The following RALA variants were observed in gnomAD, a reference collection of about 807,000 sequenced individuals.
RALA encodes ras-related protein Ral-A.
A neutral mutation model predicts 24.0 loss-of-function variants in RALA; 5 were observed. The ratio of observed to expected loss-of-function variants is 0.21; its 90% CI spans 0.11 to 0.44. RALA has a LOEUF of 0.44. RALA is among the 20% of genes least tolerant of loss of function. RALA has a pLI of 0.99. For missense variants in RALA, 95 were observed against 241.2 expected (o/e 0.39, Z 4.01); for synonymous variants, 77 against 83.8 (o/e 0.92, Z 0.44).
chr7:39,637,550 T>G (rs1791705220), intron 1 of RALA, among the ~76,000 whole-genome samples: 1 of 152,230 alleles, frequency 6.6e-6, no homozygotes, highest in Non-Finnish European at 1.5e-5. Flanking sequence ...ATTTTATACT[T>G]TTAGTTTCAT....
chr7:39,674,914 C>T (rs1039236483), intron 1 of RALA, among the ~76,000 whole-genome samples: 5 of 149,698 alleles, frequency 3.3e-5, no homozygotes, highest in African/African-American at 1.2e-4. Flanking sequence ...ACCTCCACCT[C>T]CTGGGTTCAA....
intron 4 of RALA, among the ~76,000 whole-genome samples, chr7:39,705,858 C>T (rs954717378): frequency 2.0e-5 from 3 of 151,972 alleles, no homozygotes; most frequent in Admixed American, 6.5e-5. Context: ...ACTTTTGTCT[C>T]GAAAACTGGA....
chr7:39,635,241 C>T (rs576836604), intron 1 of RALA, among the ~76,000 whole-genome samples: 5 of 152,078 alleles, frequency 3.3e-5, no homozygotes, highest in Admixed American at 6.5e-5. Context: ...CATGGTGGCG[C>T]GTGCCTGTCT....
At chr7:39,682,151 G>A (rs190079748) in intron 1 of RALA, among the ~76,000 whole-genome samples, 19 of 152,258 alleles carry the variant, frequency 1.2e-4, no homozygotes, top group African/African-American at 2.2e-4. Context: ...AGTACATATC[G>A]CCTAGGATTG....
chr7:39,695,780 G>A (rs1409362900), intron 3 of RALA, among the ~76,000 whole-genome samples: 3 of 152,088 alleles, frequency 2.0e-5, no homozygotes, highest in East Asian at 1.9e-4. Context: ...CTTTACTTAC[G>A]TTCCTATAGC....
chr7:39,628,825 G>T (rs989295828), intron 1 of RALA, among the ~76,000 whole-genome samples: 1 of 152,182 alleles, frequency 6.6e-6, no homozygotes, highest in African/African-American at 2.4e-5. Flanking sequence ...AAAGTGCTGG[G>T]ATTACAGGCG....
chr7:39,645,711 A>G (rs1791914950), intron 1 of RALA, among the ~76,000 whole-genome samples: 1 of 152,218 alleles, frequency 6.6e-6, no homozygotes, highest in African/African-American at 2.4e-5. Flanking sequence ...CTGGCACTTA[A>G]TCTAGGCTTA....
chr7:39,637,665 T>C (rs888247446), intron 1 of RALA, among the ~76,000 whole-genome samples: 4 of 152,244 alleles, frequency 2.6e-5, no homozygotes, highest in African/African-American at 7.2e-5. Context: ...GATAACTGTA[T>C]TGGTGATTCC....
intron 1 of RALA, among the ~76,000 whole-genome samples, chr7:39,633,093 C>T (rs1271283654): frequency 6.6e-6 from 1 of 152,162 alleles, no homozygotes; most frequent in Non-Finnish European, 1.5e-5. Context: ...CTATGAAAAT[C>T]TAGGGATTCC....
chr7:39,638,887 A>T (rs1791730784), intron 1 of RALA, among the ~76,000 whole-genome samples: 1 of 152,136 alleles, frequency 6.6e-6, no homozygotes, highest in African/African-American at 2.4e-5. Context: ...TATACTTGGG[A>T]GAGTAATTAT....
intron 4 of RALA, among the ~76,000 whole-genome samples, chr7:39,705,329 A>G (rs1008815287): frequency 2.0e-5 from 3 of 152,212 alleles, no homozygotes; most frequent in African/African-American, 7.2e-5. Context: ...TTTTAATTCT[A>G]TAAGTAAAAA....
intron 1 of RALA, among the ~76,000 whole-genome samples, chr7:39,647,389 G>A (rs894537526): frequency 1.3e-5 from 2 of 152,150 alleles, no homozygotes; most frequent in African/African-American, 4.8e-5. Context: ...CGCTCATGAG[G>A]CTTACTCTGT....
At chr7:39,649,318 C>T (rs1791979494) in intron 1 of RALA, among the ~76,000 whole-genome samples, 1 of 152,118 alleles carries the variant, frequency 6.6e-6, no homozygotes, top group African/African-American at 2.4e-5. Context: ...TGGATGTCAT[C>T]CCCATATAGA....
intron 2 of RALA, 46 bp downstream of exon 2, chr7:39,686,827 G>T: frequency 7.2e-7 from 1 of 1,392,500 alleles, no homozygotes; most frequent in African/African-American, 1.4e-5. Flanking sequence ...CTTTCAGAGA[G>T]TATTTCCCTA....
chr7:39,690,207 A>G (rs1792790668), intron 2 of RALA, among the ~76,000 whole-genome samples, 175 bp from the exon 3 acceptor site: 1 of 152,232 alleles, frequency 6.6e-6, no homozygotes, highest in African/African-American at 2.4e-5. Flanking sequence ...TGAGGAAACC[A>G]AGAAATTGTC....
chr7:39,627,363 G>A (rs1315259373), intron 1 of RALA, among the ~76,000 whole-genome samples: 1 of 152,036 alleles, frequency 6.6e-6, no homozygotes, highest in Non-Finnish European at 1.5e-5. Flanking sequence ...AGCCAAAAAA[G>A]GCATGCTTCC....
intron 1 of RALA, among the ~76,000 whole-genome samples, chr7:39,651,405 G>A (rs1792016646): frequency 6.6e-6 from 1 of 152,210 alleles, no homozygotes; most frequent in South Asian, 2.1e-4. Flanking sequence ...GATGTGTGGG[G>A]ATTGTTGGAA....
At chr7:39,686,843 GT>G in intron 2 of RALA, 62 bp downstream of exon 2, 1 of 1,281,650 alleles carries the variant, frequency 7.8e-7, no homozygotes, top group Admixed American at 1.8e-5. Context: ...CCCTAGCTTA[GT>G]TTTGGTGCTA....
At chr7:39,681,767 C>T (rs752652070) in intron 1 of RALA, among the ~76,000 whole-genome samples, 1 of 152,100 alleles carries the variant, frequency 6.6e-6, no homozygotes. Flanking sequence ...AACTGACGTG[C>T]AATTTTTTTT....
Sources: allele counts gnomAD v4.1 joint callset (sites outside exome capture counted in the v4.1 genomes callset), GRCh38; gene constraint gnomAD v4.1.1; transcripts MANE v1.5; gene names NCBI Gene and HGNC (gene_info 2026-07-23, HGNC 2026-07-21).